The following MGAM2 variants were observed in gnomAD, a reference collection of about 807,000 sequenced individuals.
MGAM2 encodes the protein probable maltase-glucoamylase 2.
Under a neutral mutation model 96.1 loss-of-function variants are expected in MGAM2, and 98 were observed. The ratio of observed to expected loss-of-function variants is 1.02; its 90% confidence interval spans 0.87 to 1.21. The LOEUF (loss-of-function observed/expected upper bound fraction) is 1.21. MGAM2 is among the 50% of genes most tolerant of loss of function. The pLI is 0.00. For synonymous variants in MGAM2, 749 were observed against 414.8 expected (o/e 1.81, Z -9.79); for missense variants, 2,055 against 1,182.4 (o/e 1.74, Z -10.82).
rs1268326806 is a variant in MGAM2, at chr7:142,166,208, A to C, written c.2763A>C (p.Pro921=). The C allele has an allele frequency of 5.7e-6, 4 of 702,680 alleles. No homozygotes were observed. In the Admixed American group the frequency reaches 6.0e-5, roughly 11 times the overall value. 43.5% of individuals were successfully genotyped at this position (702,680 alleles called of 1,614,324 possible). A position where few individuals can be genotyped will look rare whatever the true frequency, so the allele number is the denominator to read the frequency against. ...LEKFNCYPDD[P]TASEESCRQR... ...AGTTCAACTGCTACCCTGATGATCC[A>C]ACAGCCTCTGAGGAGAGTTGTAGGC... is the stretch of plus-strand genomic sequence containing the variant. Residue 921 remains proline, a synonymous_variant, in exon 25 of 48, where the codon CCA becomes CCC. Coordinates refer to ENST00000477922, the MANE Select transcript of MGAM2 (RefSeq NM_001293626.2).
intron 3 of MGAM2, among the ~76,000 whole-genome samples, chr7:142,127,950 G>GT (rs1170399534): frequency 6.6e-6 from 1 of 152,196 alleles, no homozygotes; most frequent in Non-Finnish European, 1.5e-5. Context: ...TTGGAATTGG[G>GT]TAACAGGCTG....
At position 142,154,005 on chromosome 7, in the gene MGAM2, T is replaced by C; in HGVS notation, c.1635-13T>C. 3.1e-6 allele frequency: 2 copies of C among 639,010 alleles called. No homozygotes were observed. The highest frequency in any genetic ancestry group is 5.8e-6 in the Non-Finnish European group (2 of 341,898). The allele number at this position is 639,010 out of a possible 1,614,324, so 39.6% of individuals were successfully genotyped here. On this transcript the variant is annotated splice_polypyrimidine_tract_variant and intron_variant, in intron 15 of 47. Coordinates refer to ENST00000477922, the MANE Select transcript of MGAM2 (RefSeq NM_001293626.2). Reference sequence around the variant, plus strand: ...AGCCCACCTCACACTCCACTGGATGTATTCCTTTCCAGAGCCCTGGAGACC... The same window carrying C: ...AGCCCACCTCACACTCCACTGGATGCATTCCTTTCCAGAGCCCTGGAGACC...
chr7:142,140,954 C>T, intron 11 of MGAM2, 21 bp downstream of exon 11: 1 of 697,978 alleles, frequency 1.4e-6, no homozygotes, highest in Non-Finnish European at 2.6e-6. Context: ...ACACTTGTTA[C>T]CTTATTTTTT....
At chr7:142,168,390 C>T (rs1263731217) in intron 26 of MGAM2, among the ~76,000 whole-genome samples, 1 of 152,082 alleles carries the variant, frequency 6.6e-6, no homozygotes, top group African/African-American at 2.4e-5. Context: ...CTGCATCAGC[C>T]TCCCAAGTAA....
intron 26 of MGAM2, among the ~76,000 whole-genome samples, chr7:142,169,083 G>A (rs1796114358): frequency 6.6e-6 from 1 of 152,206 alleles, no homozygotes; most frequent in Non-Finnish European, 1.5e-5. Context: ...CAAGCTCCCA[G>A]GCAATGCTGC....
intron 6 of MGAM2, among the ~76,000 whole-genome samples, chr7:142,133,344 A>T (rs1376022445): frequency 6.7e-6 from 1 of 148,888 alleles, no homozygotes; most frequent in Non-Finnish European, 1.5e-5. Flanking sequence ...ACACAGAAAT[A>T]TACTTGTGGT....
intron 1 of MGAM2, among the ~76,000 whole-genome samples, chr7:142,112,689 G>T (rs1371762475): frequency 6.6e-6 from 1 of 151,984 alleles, no homozygotes; most frequent in East Asian, 1.9e-4. Flanking sequence ...CTCGGTGTTT[G>T]TCTCAGTTCC....
At position 142,161,932 on chromosome 7, in the gene MGAM2, C is replaced by T. The variant is rs769348563; in HGVS notation, c.2435-23C>T. ...TGGCTGATTGGCTTCCCATAGTAAC[C>T]GGTACTCCTCTTTCTTTTTTAGATG... On this transcript the variant is annotated intron_variant, in intron 22 of 47. Transcript: ENST00000477922. The T allele has an allele frequency of 3.5e-5, 24 of 681,548 alleles. 1 individual carries two copies. The highest frequency in any genetic ancestry group is 2.5e-4 in the South Asian group (16 of 63,118). 42.2% of individuals were successfully genotyped at this position (681,548 alleles called of 1,614,324 possible).
intron 3 of MGAM2, among the ~76,000 whole-genome samples, chr7:142,124,753 A>G (rs1291664928): frequency 6.6e-6 from 1 of 152,118 alleles, no homozygotes; most frequent in Non-Finnish European, 1.5e-5. Flanking sequence ...TTTAGTTTTG[A>G]AATTTTTGAT....
intron 10 of MGAM2, among the ~76,000 whole-genome samples, chr7:142,138,988 G>A (rs1795138859): frequency 6.6e-6 from 1 of 152,182 alleles, no homozygotes; most frequent in African/African-American, 2.4e-5. Context: ...TGGGCTGGTA[G>A]TAAGGAATGC....
intron 46 of MGAM2, among the ~76,000 whole-genome samples, chr7:142,212,288 G>A (rs900697194): frequency 2.6e-5 from 4 of 152,166 alleles, no homozygotes; most frequent in African/African-American, 9.7e-5. Context: ...TGAAGAAACT[G>A]CATCAACTAA....
At chr7:142,205,983 T>C (rs915532768) in intron 45 of MGAM2, among the ~76,000 whole-genome samples, 1 of 152,102 alleles carries the variant, frequency 6.6e-6, no homozygotes, top group African/African-American at 2.4e-5. Flanking sequence ...GAGGCAGGGG[T>C]CTAACTTCTT....
At chr7:142,114,499 G>T (rs1817319902) in intron 1 of MGAM2, among the ~76,000 whole-genome samples, 1 of 152,112 alleles carries the variant, frequency 6.6e-6, no homozygotes, top group Admixed American at 6.5e-5. Flanking sequence ...ATTGGCACTG[G>T]AAAGAAAAAG....
intron 3 of MGAM2, among the ~76,000 whole-genome samples, chr7:142,121,470 C>T (rs1794572682): frequency 6.6e-6 from 1 of 152,162 alleles, no homozygotes; most frequent in South Asian, 2.1e-4. Flanking sequence ...AGCCACTACG[C>T]CCGGCCCATA....
chr7:142,152,521 G>A (rs1479217559), intron 15 of MGAM2, among the ~76,000 whole-genome samples: 1 of 152,122 alleles, frequency 6.6e-6, no homozygotes, highest in African/African-American at 2.4e-5. Flanking sequence ...GCCATTATAA[G>A]CCATTCAGTA....
intron 37 of MGAM2, among the ~76,000 whole-genome samples, chr7:142,191,553 G>A (rs1222475160): frequency 1.3e-5 from 2 of 152,172 alleles, no homozygotes; most frequent in Admixed American, 6.5e-5. Flanking sequence ...CAGTAAATGA[G>A]AAGGCTTATT....
At chr7:142,218,275 A>G in intron 46 of MGAM2, 86 bp from the exon 47 acceptor site, 1 of 487,462 alleles carries the variant, frequency 2.1e-6, no homozygotes, top group Middle Eastern at 3.2e-4. Context: ...AACAAAAGTA[A>G]ATTTAGGTTT....
chr7:142,166,304 C>A, intron 25 of MGAM2, 51 bp downstream of exon 25: 1 of 639,572 alleles, frequency 1.6e-6, no homozygotes, highest in Non-Finnish European at 2.8e-6. Flanking sequence ...AATTAGGCAC[C>A]TAGAAAACAC....
At chr7:142,151,051 T>C (rs1399508472) in intron 15 of MGAM2, among the ~76,000 whole-genome samples, 4 of 152,382 alleles carry the variant, frequency 2.6e-5, no homozygotes, top group Middle Eastern at 3.4e-3. Context: ...CATTTGTTCA[T>C]ATTCCAATAT....
Sources: gnomAD v4.1 joint callset for allele counts (sites outside exome capture counted in the v4.1 genomes callset) on GRCh38, gnomAD v4.1.1 for gene constraint, MANE v1.5 for transcripts, NCBI Gene and HGNC (gene_info 2026-07-23, HGNC 2026-07-21) for gene names.